NECTIN1: variants seen among roughly 807,000 people sequenced by gnomAD.
NECTIN1 encodes nectin-1.
A neutral mutation model predicts 48.0 loss-of-function variants in NECTIN1; 23 were observed. The ratio of observed to expected loss-of-function variants is 0.48; its 90% CI spans 0.34 to 0.68. NECTIN1 has a LOEUF of 0.68. Ranked by LOEUF, NECTIN1 falls within the 30% of genes least tolerant of loss-of-function variation. The pLI is 0.01. For missense variants in NECTIN1, 591 were observed against 709.9 expected, an observed-to-expected ratio of 0.83 and a Z score of 1.90; for synonymous variants, 270 against 288.9, an observed-to-expected ratio of 0.93 and a Z score of 0.66.
chr11:119,728,616 G>T lies in NECTIN1; in HGVS notation c.-63C>A. 1.0e-6 allele frequency: 1 copy of T among 960,938 alleles called. No individual in the cohort carries two copies. Among genetic ancestry groups the T allele is most frequent in the Non-Finnish European group, 1.4e-6 (1 of 706,230 alleles). The allele number at this position is 960,938 out of a possible 1,614,324, so 59.5% of individuals were successfully genotyped here. A position where few individuals can be genotyped will look rare whatever the true frequency, so the allele number is the denominator to read the frequency against. On this transcript the variant is annotated 5_prime_UTR_variant, in exon 1 of 6. The change creates a new upstream start codon in the 5' untranslated region. Transcript: ENST00000264025. ...AGCGCTCCTCGCGCAGCAGAAACCA[G>T]CCCGGAAGATGAGGGAAGATCGCTG...
intron 1 of NECTIN1, among the ~76,000 whole-genome samples, chr11:119,722,148 C>T (rs1481329472): frequency 2.0e-5 from 3 of 152,204 alleles, no homozygotes; most frequent in Admixed American, 6.5e-5. Flanking sequence ...GAGCATAAGA[C>T]GGTCAGCAAA....
At chr11:119,692,836 A>G (rs1247103481) in intron 1 of NECTIN1, among the ~76,000 whole-genome samples, 1 of 152,034 alleles carries the variant, frequency 6.6e-6, no homozygotes, top group East Asian at 1.9e-4. Flanking sequence ...TCTTCACCAC[A>G]CTCATAGCTC....
Position 119,677,676 on chromosome 11 carries a change from T to C in NECTIN1, c.612A>G (p.Thr204=). Residue 204 remains threonine (T), a synonymous_variant, in exon 3 of 6, where the codon ACA becomes ACG. Transcript: ENST00000264025. This position sits in a 1 kb window ranked among gnomAD's most constrained non-coding sequence, Gnocchi z 5.4. The part of the protein sequence containing the change: ...EYQEIRNPNG[T]VTVISRYRLV... ...GGCGGTAGCGGCTGATGACCGTCAC[T>C]GTGCCATTGGGGTTCCGGATCTCCT... is the stretch of plus-strand genomic sequence containing the variant. 6.2e-7 allele frequency: 1 copy of C among 1,614,184 alleles called. No individual in the cohort carries two copies. The highest frequency in any genetic ancestry group is 8.5e-7 in the Non-Finnish European group (1 of 1,180,032).
chr11:119,705,034 T>C (rs1421307497), intron 1 of NECTIN1, among the ~76,000 whole-genome samples: 1 of 152,210 alleles, frequency 6.6e-6, no homozygotes, highest in East Asian at 1.9e-4. Flanking sequence ...GTGAGAGAAC[T>C]GTGTAGATGC....
rs1050477483 is a variant in NECTIN1, at chr11:119,664,271, T to C, written c.*476A>G. ...CTGCATCAGATTTCACTGGTGGGTGTTGGGTTCCCTCTAGCCGGGAGGAGG... is the reference window on the plus strand; with the variant it reads ...CTGCATCAGATTTCACTGGTGGGTGCTGGGTTCCCTCTAGCCGGGAGGAGG... On this transcript the variant is annotated 3_prime_UTR_variant, in exon 6 of 6. Transcript: ENST00000264025. 14 of 995,426 alleles carry C rather than the reference T, an allele frequency of 1.4e-5. No homozygotes were observed. Among genetic ancestry groups the C allele is most frequent in the Middle Eastern group, 5.1e-4 (1 of 1,952 alleles). 61.7% of individuals were successfully genotyped at this position (995,426 alleles called of 1,614,324 possible).
chr11:119,710,689 A>G (rs1816934919), intron 1 of NECTIN1, among the ~76,000 whole-genome samples: 1 of 152,208 alleles, frequency 6.6e-6, no homozygotes. Context: ...GGAACAGCAA[A>G]GGCATGGTGG....
intron 1 of NECTIN1, among the ~76,000 whole-genome samples, chr11:119,700,831 G>A (rs1865438293): frequency 6.6e-6 from 1 of 152,174 alleles, no homozygotes. Context: ...CTGGGATGGG[G>A]GGTATATGAG....
rs776525317 is a variant in NECTIN1 at position 119,665,346 on chromosome 11, G to A, written c.1004-49C>T. Reference sequence around the variant, plus strand: ...GGGACAGCATCAGCGTGTGCTCCTGGGGTGTAGAGGGGGTGGGAGGGAGGC... The same window carrying A: ...GGGACAGCATCAGCGTGTGCTCCTGAGGTGTAGAGGGGGTGGGAGGGAGGC... On this transcript the variant is annotated intron_variant, in intron 5 of 5. Transcript: ENST00000264025. The surrounding 1 kb of genome is among the most constrained non-coding windows in gnomAD (Gnocchi z 5.1). 1 of 1,527,744 alleles carries A rather than the reference G, an allele frequency of 6.5e-7. No homozygotes were observed. The highest frequency in any genetic ancestry group is 1.3e-5 in the South Asian group (1 of 79,828). The allele number at this position is 1,527,744 out of a possible 1,614,324, so 94.6% of individuals were successfully genotyped here. A position where few individuals can be genotyped will look rare whatever the true frequency, so the allele number is the denominator to read the frequency against.
At chr11:119,649,514 C>A (rs536509055) in intron 5 of NECTIN1, among the ~76,000 whole-genome samples, 67 of 152,082 alleles carry the variant, frequency 4.4e-4, no homozygotes, top group Non-Finnish European at 7.8e-4. Context: ...ATGGTGAAAC[C>A]CCGTCTCTAC....
downstream of NECTIN1, chr11:119,656,561 A>G (rs1864577327): frequency 6.6e-6 from 1 of 152,174 alleles, no homozygotes; most frequent in South Asian, 2.1e-4. Context: ...TTGCAAAATG[A>G]AAAGAAGCTG....
rs141837056 is a variant in NECTIN1, at chr11:119,655,191, G to A, written c.1004-15179C>T. On this transcript the variant is annotated intron_variant, in intron 5 of 7. Transcript: ENST00000341398. Reference sequence around the variant, plus strand: ...CTCCCAAAGTGCTGGGATTACAGGCGTGAGCCACCCTGACTGGGTAACAGA... The same window carrying A: ...CTCCCAAAGTGCTGGGATTACAGGCATGAGCCACCCTGACTGGGTAACAGA... 6.7e-3 allele frequency among the ~76,000 whole-genome samples: 1,016 copies of A among 151,998 alleles called. 7 individuals carry two copies. Among genetic ancestry groups the A allele is most frequent in the African/African-American group, 0.023 (973 of 41,454 alleles).
rs568883100 is a variant in NECTIN1 at position 119,679,236 on chromosome 11, T to C, written c.80-471A>G. Among the ~76,000 whole-genome samples, 7 of 152,280 alleles carry C rather than the reference T, an allele frequency of 4.6e-5. No individual in the cohort carries two copies. In the South Asian group the frequency reaches 1.4e-3, roughly 32 times the overall value. On this transcript the variant is annotated intron_variant, in intron 1 of 5. Coordinates refer to ENST00000264025, the MANE Select transcript of NECTIN1 (RefSeq NM_002855.5). ...CTTCCTGGGCCTTGGTTTCCTCCTC[T>C]GTTATATGGGGTGGAGAATCCAGTC...
chr11:119,669,961 A>ATT (rs1565384688), intron 5 of NECTIN1, among the ~76,000 whole-genome samples: 37 of 142,002 alleles, frequency 2.6e-4, no homozygotes, highest in African/African-American at 1.0e-3. Context: ...CAAAATTACT[A>ATT]CTTTTTTTTT....
intron 1 of NECTIN1, among the ~76,000 whole-genome samples, chr11:119,716,597 T>A (rs556623272): frequency 6.6e-6 from 1 of 152,360 alleles, no homozygotes; most frequent in East Asian, 1.9e-4. Flanking sequence ...GGAAAAATAG[T>A]CAAACTAGTT....
In NECTIN1 at chr11:119,661,168, G is replaced by A; in HGVS notation, c.*3579C>T. 8 of 985,830 alleles carry A rather than the reference G, an allele frequency of 8.1e-6. No homozygotes were observed. The highest frequency in any genetic ancestry group is 1.1e-4 in the East Asian group (1 of 8,812). The allele number at this position is 985,830 out of a possible 1,614,324, so 61.1% of individuals were successfully genotyped here. ...AAGGCGGAAAGGGCGACAAGACGCC[G>A]AAGCAAGGTAGCGCATCACGCTGGG... On this transcript the variant is annotated 3_prime_UTR_variant, in exon 6 of 6. Coordinates refer to ENST00000264025, the MANE Select transcript of NECTIN1 (RefSeq NM_002855.5).
chr11:119,651,189 G>A (rs1420460499), intron 5 of NECTIN1, among the ~76,000 whole-genome samples: 1 of 152,192 alleles, frequency 6.6e-6, no homozygotes, highest in African/African-American at 2.4e-5. Context: ...GAGGCAGAGT[G>A]TTTCAGAGGG....
chr11:119,698,242 G>A (rs984652286), intron 1 of NECTIN1, among the ~76,000 whole-genome samples: 1 of 152,238 alleles, frequency 6.6e-6, no homozygotes, highest in African/African-American at 2.4e-5. Flanking sequence ...CACCAGAGTT[G>A]GGGGCCTGAG....
chr11:119,700,097 C>G (rs1235080251), intron 1 of NECTIN1, among the ~76,000 whole-genome samples: 2 of 152,166 alleles, frequency 1.3e-5, no homozygotes, highest in Admixed American at 1.3e-4. Context: ...AAACAGGACT[C>G]TATGTCTCCT....
At position 119,662,844 on chromosome 11, in the gene NECTIN1, G is replaced by A; in HGVS notation, c.*1903C>T. On this transcript the variant is annotated 3_prime_UTR_variant, in exon 6 of 6. Coordinates refer to ENST00000264025, the MANE Select transcript of NECTIN1 (RefSeq NM_002855.5). The surrounding 1 kb of genome is among the most constrained non-coding windows in gnomAD (Gnocchi z 5.3). The stretch of plus-strand genomic sequence containing the variant: ...TCACCCTATCCAGTACCCCAAATGT[G>A]TAGAGGGGAGAGCCGCACCAGGGCT... The A allele has an allele frequency of 1.0e-6, 1 of 986,140 alleles. No individual in the cohort carries two copies. The highest frequency in any genetic ancestry group is 4.7e-5 in the South Asian group (1 of 21,286). The allele number at this position is 986,140 out of a possible 1,614,324, so 61.1% of individuals were successfully genotyped here. A position where few individuals can be genotyped will look rare whatever the true frequency, so the allele number is the denominator to read the frequency against.
Sources: allele counts gnomAD v4.1 joint callset (sites outside exome capture counted in the v4.1 genomes callset), GRCh38; gene constraint gnomAD v4.1.1; non-coding constraint Gnocchi (gnomAD v3.1); transcripts MANE v1.5; gene names NCBI Gene and HGNC (gene_info 2026-07-23, HGNC 2026-07-21).